Variants in MAGI1 observed in about 807,000 individuals in gnomAD.
MAGI1 encodes the protein membrane associated guanylate kinase, WW and PDZ domain containing 1, also known as membrane-associated guanylate kinase, WW and PDZ domain-containing protein 1.
Under a neutral mutation model 139.9 loss-of-function variants are expected in MAGI1, and 58 were observed. The observed-to-expected ratio is 0.41, with a 90% CI of 0.34 to 0.52. The LOEUF (loss-of-function observed/expected upper bound fraction) is 0.52. Ranked by LOEUF, MAGI1 falls within the 20% of genes least tolerant of loss-of-function variation. The pLI, the probability that MAGI1 is intolerant of heterozygous loss-of-function variation, is 0.12. For synonymous variants in MAGI1, 812 were observed against 737.9 expected (o/e 1.10, Z -1.63); for missense variants, 1,874 against 1,901.6 (o/e 0.99, Z 0.27).
intron 2 of MAGI1, among the ~76,000 whole-genome samples, chr3:65,508,175 G>T (rs79250825): frequency 6.6e-6 from 1 of 151,640 alleles, no homozygotes; most frequent in African/African-American, 2.4e-5. Flanking sequence ...AGGCCGAGGC[G>T]GGCAGATCAC....
At chr3:65,992,992 GT>G (rs895152431) in intron 1 of MAGI1, among the ~76,000 whole-genome samples, 3 of 151,876 alleles carry the variant, frequency 2.0e-5, no homozygotes, top group African/African-American at 4.8e-5. Context: ...GCCTGGCTAT[GT>G]TTTTTTTAAT....
At chr3:65,802,189 G>A (rs1218398832) in intron 1 of MAGI1, among the ~76,000 whole-genome samples, 4 of 152,160 alleles carry the variant, frequency 2.6e-5, no homozygotes, top group Non-Finnish European at 5.9e-5. Flanking sequence ...TTTTCTGAGA[G>A]CCTACTATGT....
At chr3:65,479,598 A>G (rs1399180843) in intron 3 of MAGI1, among the ~76,000 whole-genome samples, 1 of 152,128 alleles carries the variant, frequency 6.6e-6, no homozygotes, top group Non-Finnish European at 1.5e-5. Context: ...TATGATACCA[A>G]TATAAAGTTT....
intron 1 of MAGI1, among the ~76,000 whole-genome samples, chr3:65,877,779 T>A (rs1229664804): frequency 6.6e-6 from 1 of 152,084 alleles, no homozygotes. Flanking sequence ...GAAAAGAACC[T>A]GATCATCTAT....
intron 2 of MAGI1, among the ~76,000 whole-genome samples, chr3:65,512,113 C>A (rs2077630189): frequency 3.4e-5 from 2 of 59,024 alleles, no homozygotes; most frequent in Non-Finnish European, 7.0e-5. Context: ...CCAACGAGAA[C>A]AAAGACACAA....
At chr3:65,942,508 A>C (rs1386012578) in intron 1 of MAGI1, among the ~76,000 whole-genome samples, 1 of 152,174 alleles carries the variant, frequency 6.6e-6, no homozygotes, top group Non-Finnish European at 1.5e-5. Flanking sequence ...TCCCGACTCT[A>C]ATATAAAAGG....
At chr3:65,499,171 A>C (rs963076834) in intron 2 of MAGI1, 1 of 344,398 alleles carries the variant, frequency 2.9e-6, no homozygotes, top group African/African-American at 2.2e-5. Flanking sequence ...TCTAGGAAAA[A>C]AAAAATGTTC....
rs1169916355 is a variant in MAGI1, at chr3:66,038,338, A to T, written c.-30T>A. 2.6e-6 allele frequency: 4 copies of T among 1,517,232 alleles called. No homozygotes were observed. The highest frequency in any genetic ancestry group is 3.5e-6 in the Non-Finnish European group (4 of 1,134,512). 94.0% of individuals were successfully genotyped at this position (1,517,232 alleles called of 1,614,324 possible). A position where few individuals can be genotyped will look rare whatever the true frequency, so the allele number is the denominator to read the frequency against. On this transcript the variant is annotated 5_prime_UTR_variant, in exon 1 of 23. It introduces an in-frame stop codon into an upstream open reading frame of the 5' UTR. Transcript: ENST00000402939. Reference sequence around the variant, plus strand: ...AGTTACACCCCTCCTCCAAAAAAATAAAACGAGAGACAGGTGCCCCCCACA... The same window carrying T: ...AGTTACACCCCTCCTCCAAAAAAATTAAACGAGAGACAGGTGCCCCCCACA...
chr3:65,442,493 A>G (rs575603380), intron 8 of MAGI1, among the ~76,000 whole-genome samples: 45 of 151,950 alleles, frequency 3.0e-4, no homozygotes, highest in African/African-American at 1.0e-3. Context: ...TCATTCATTC[A>G]TTCATTCAAC....
Position 66,022,122 on chromosome 3 carries a change from G to A in MAGI1, c.313+15874C>T, listed in dbSNP as rs186274536. On this transcript the variant is annotated intron_variant, in intron 1 of 22. Coordinates refer to ENST00000402939, the MANE Select transcript of MAGI1 (RefSeq NM_001033057.2). ...GATAAGCTCCTTCCACCAAAAAAAA[G>A]CCTCCAATCCTTACAACCAGCTGTC... Among the ~76,000 whole-genome samples, 48 of 152,218 alleles carry A rather than the reference G, an allele frequency of 3.2e-4. No individual in the cohort carries two copies. The East Asian group carries it at 8.3e-3, about 26-fold the overall frequency.
At chr3:66,037,669 TG>T (rs2069011713) in intron 1 of MAGI1, among the ~76,000 whole-genome samples, 1 of 152,166 alleles carries the variant, frequency 6.6e-6, no homozygotes, top group African/African-American at 2.4e-5. Flanking sequence ...GCGTCCACCA[TG>T]CCCCTGACTC....
At chr3:65,572,993 G>C (rs1473855094) in intron 2 of MAGI1, among the ~76,000 whole-genome samples, 1 of 151,850 alleles carries the variant, frequency 6.6e-6, no homozygotes, top group African/African-American at 2.4e-5. Context: ...AGACTTGCAC[G>C]TATTTTGACA....
At chr3:65,802,592 A>G (rs774761572) in intron 1 of MAGI1, among the ~76,000 whole-genome samples, 6 of 152,302 alleles carry the variant, frequency 3.9e-5, no homozygotes, top group East Asian at 1.9e-4. Flanking sequence ...CAAATTGTTC[A>G]TATCAATTCA....
At chr3:66,027,416 A>G (rs2068344224) in intron 1 of MAGI1, among the ~76,000 whole-genome samples, 1 of 152,086 alleles carries the variant, frequency 6.6e-6, no homozygotes, top group Admixed American at 6.6e-5. Context: ...CAATCCTCCC[A>G]CCACAGCCTC....
chr3:65,512,677 CAA>C (rs1196961892), intron 2 of MAGI1, among the ~76,000 whole-genome samples: 3 of 149,978 alleles, frequency 2.0e-5, no homozygotes, highest in African/African-American at 7.3e-5. Flanking sequence ...GTTTACCAAC[CAA>C]AAAGAGTCCA....
intron 1 of MAGI1, among the ~76,000 whole-genome samples, chr3:65,965,314 C>T (rs1387729470): frequency 6.6e-6 from 1 of 152,162 alleles, no homozygotes; most frequent in Non-Finnish European, 1.5e-5. Context: ...TTCCACGTTA[C>T]CCTTTTTAAA....
rs182718975 is a variant in MAGI1 at position 65,568,477 on chromosome 3, G to C, written c.430+53495C>G. The stretch of plus-strand genomic sequence containing the variant: ...TGAAACAGTGAGTCGGGGAGTCACT[G>C]CGTATGAGCAAGGAGCTCTCACTTG... On this transcript the variant is annotated intron_variant, in intron 2 of 22. Transcript: ENST00000402939. 3.9e-4 allele frequency among the ~76,000 whole-genome samples: 59 copies of C among 152,272 alleles called. No individual in the cohort carries two copies. In the South Asian group the frequency reaches 3.9e-3, roughly 10 times the overall value.
At chr3:65,820,436 G>A (rs2041883759) in intron 1 of MAGI1, among the ~76,000 whole-genome samples, 1 of 152,130 alleles carries the variant, frequency 6.6e-6, no homozygotes, top group South Asian at 2.1e-4. Flanking sequence ...AGGGGCTGAT[G>A]GATACAAGGG....
intron 1 of MAGI1, among the ~76,000 whole-genome samples, chr3:65,901,598 G>A (rs1428894811): frequency 1.3e-5 from 2 of 152,142 alleles, no homozygotes; most frequent in Middle Eastern, 3.2e-3. Context: ...GAACTGCAAC[G>A]GCAAGGTTTT....
Sources: allele counts gnomAD v4.1 joint callset (sites outside exome capture counted in the v4.1 genomes callset), GRCh38; gene constraint gnomAD v4.1.1; transcripts MANE v1.5; gene names NCBI Gene and HGNC (gene_info 2026-07-23, HGNC 2026-07-21).